Variants in IQGAP1 observed in about 807,000 individuals in gnomAD.
IQGAP1 encodes IQ motif containing GTPase activating protein 1.
In IQGAP1, 66 loss-of-function variants were observed where a neutral mutation model predicts 215.6. The ratio of observed to expected loss-of-function variants is 0.31; its 90% CI spans 0.25 to 0.38. The LOEUF (loss-of-function observed/expected upper bound fraction) is 0.38, where lower values mean the gene tolerates loss of function less well. Among genes scored for constraint, IQGAP1 ranks in the 10% least tolerant of loss-of-function variants. IQGAP1 has a pLI of 1.00. For missense variants in IQGAP1, 1,712 were observed against 1,997.1 expected, an observed-to-expected ratio of 0.86 and a Z score of 2.72; for synonymous variants, 772 against 728.7, an observed-to-expected ratio of 1.06 and a Z score of -0.96.
intron 2 of IQGAP1, among the ~76,000 whole-genome samples, chr15:90,417,205 C>A (rs992120890): frequency 2.6e-5 from 4 of 152,060 alleles, no homozygotes; most frequent in South Asian, 2.1e-4. Flanking sequence ...GAAGCTCTTT[C>A]GTTTAATTAG....
intron 2 of IQGAP1, among the ~76,000 whole-genome samples, chr15:90,423,339 T>G (rs1427323529): frequency 1.3e-5 from 2 of 152,182 alleles, no homozygotes; most frequent in African/African-American, 4.8e-5. Context: ...GTTAAAGTGA[T>G]CCTCCTGTCT....
At chr15:90,413,580 A>G (rs1965000116) in intron 2 of IQGAP1, among the ~76,000 whole-genome samples, 1 of 152,200 alleles carries the variant, frequency 6.6e-6, no homozygotes. Flanking sequence ...GAGTTTCGGC[A>G]TGGCATTCCA....
intron 2 of IQGAP1, among the ~76,000 whole-genome samples, chr15:90,416,182 C>T (rs1049683244): frequency 1.3e-5 from 2 of 152,116 alleles, no homozygotes; most frequent in Admixed American, 1.3e-4. Context: ...CCCCCTACCC[C>T]ACAACAGGCC....
chr15:90,483,454 C>G lies in IQGAP1; in HGVS notation c.3649C>G (p.Leu1217Val). 4 of 1,614,178 alleles carry G rather than the reference C, an allele frequency of 2.5e-6. No homozygotes were observed. Among genetic ancestry groups the G allele is most frequent in the Non-Finnish European group, 2.5e-6 (3 of 1,180,008 alleles). Residue 1217 changes from leucine (L) to valine (V), a missense_variant, in exon 29 of 38, where the codon CTT (leucine) becomes GTT (valine). Leu to Val is a conservative substitution (Grantham distance 32). Around this residue, in one of 2 missense-constraint regions of IQGAP1, gnomAD observed 691 missense variants for 923.0 expected, o/e 0.75. Transcript: ENST00000268182. Reference protein sequence around the residue: ...DIIDLSAGGQLTTDQRRNLGS... With the variant: ...DIIDLSAGGQVTTDQRRNLGS... ...CATTGACCTGTCAGCAGGAGGCCAGCTTACCACAGACCAACGCCGAAATCT... is the reference window on the plus strand; with the variant it reads ...CATTGACCTGTCAGCAGGAGGCCAGGTTACCACAGACCAACGCCGAAATCT...
Position 90,486,138 on chromosome 15 carries a change from G to A in IQGAP1, c.4024+6G>A. On this transcript the variant is annotated splice_donor_region_variant and intron_variant, in intron 31 of 37. Transcript: ENST00000268182. Reference sequence around the variant, plus strand: ...CACCATCGAGTCCCTGATAGGTAGAGTTCTAACTTTTGCCTGGAAGATCAA... The same window carrying A: ...CACCATCGAGTCCCTGATAGGTAGAATTCTAACTTTTGCCTGGAAGATCAA... The A allele has an allele frequency of 6.2e-7, 1 of 1,604,070 alleles. No homozygotes were observed. Among genetic ancestry groups the A allele is most frequent in the Non-Finnish European group, 8.5e-7 (1 of 1,172,134 alleles).
At chr15:90,476,849 A>G in intron 24 of IQGAP1, 31 bp downstream of exon 24, 1 of 1,574,062 alleles carries the variant, frequency 6.4e-7, no homozygotes, top group Non-Finnish European at 8.6e-7. Flanking sequence ...GTGTTATAAA[A>G]ATTTAGTGAA....
chr15:90,489,349 A>G (rs150766070), intron 33 of IQGAP1, among the ~76,000 whole-genome samples: 3,463 of 152,048 alleles, frequency 0.023, 121 homozygotes, highest in African/African-American at 0.077. Context: ...GCTGGTCTCA[A>G]ACTCTTGACC....
At chr15:90,497,121 C>T (rs1966283945) in intron 36 of IQGAP1, 111 bp from the exon 37 acceptor site, 1 of 632,294 alleles carries the variant, frequency 1.6e-6, no homozygotes, top group Non-Finnish European at 2.8e-6. Flanking sequence ...CCTGTATTTT[C>T]TGCAGCCCTT....
At chr15:90,406,672 T>G (rs11852549) in intron 2 of IQGAP1, among the ~76,000 whole-genome samples, 32,834 of 152,110 alleles carry the variant, frequency 0.22, 4,785 homozygotes, top group African/African-American at 0.42. Flanking sequence ...TGGGACTTAC[T>G]AGGGCGTCAG....
chr15:90,473,511 G>A (rs146165962), intron 19 of IQGAP1: 12 of 557,690 alleles, frequency 2.2e-5, no homozygotes, highest in East Asian at 6.2e-5. Flanking sequence ...CTGTGCTGAC[G>A]TTGGGGAAGT....
chr15:90,471,502 C>CT (rs370377668), intron 18 of IQGAP1, among the ~76,000 whole-genome samples: 30,237 of 144,434 alleles, frequency 0.21, 4,324 homozygotes, highest in African/African-American at 0.41. Flanking sequence ...CTCATGAAGT[C>CT]TTTTTTTTTT....
At position 90,442,798 on chromosome 15, in the gene IQGAP1, A is replaced by G. The variant is rs186295662; in HGVS notation, c.829-596A>G. On this transcript the variant is annotated intron_variant, in intron 8 of 37. Coordinates refer to ENST00000268182, the MANE Select transcript of IQGAP1 (RefSeq NM_003870.4). ...AGCCTGGCCAATATGGTGAAACCCT[A>G]TCTCTACTAAAAATACCAAAAAAAT... Among the ~76,000 whole-genome samples the G allele has an allele frequency of 1.2e-3, 189 of 152,244 alleles. 3 individuals are homozygous for G. The highest frequency in any genetic ancestry group is 7.7e-3 in the East Asian group (40 of 5,162).
chr15:90,414,422 G>A (rs975882515), intron 2 of IQGAP1, among the ~76,000 whole-genome samples: 1 of 152,064 alleles, frequency 6.6e-6, no homozygotes, highest in Non-Finnish European at 1.5e-5. Flanking sequence ...TATTTTAAAT[G>A]GACTCCTGTG....
At chr15:90,481,740 C>T (rs1307442386) in intron 26 of IQGAP1, among the ~76,000 whole-genome samples, 1 of 152,136 alleles carries the variant, frequency 6.6e-6, no homozygotes, top group African/African-American at 2.4e-5. Context: ...ACTTTTATTC[C>T]CAAGTGCCTG....
chr15:90,487,882 C>G (rs2151037790), intron 33 of IQGAP1, among the ~76,000 whole-genome samples: 1 of 152,210 alleles, frequency 6.6e-6, no homozygotes. Flanking sequence ...CTCCCCACCC[C>G]CGGCCAATAC....
intron 23 of IQGAP1, chr15:90,475,734 C>CA (rs1965970143): frequency 1.7e-5 from 2 of 114,438 alleles, no homozygotes; most frequent in Non-Finnish European, 3.3e-5. Flanking sequence ...GACTGGGTGA[C>CA]AGAGTGAAAC....
At chr15:90,488,602 T>C (rs1490634924) in intron 33 of IQGAP1, among the ~76,000 whole-genome samples, 1 of 152,192 alleles carries the variant, frequency 6.6e-6, no homozygotes, top group African/African-American at 2.4e-5. Context: ...GAAACAGTGA[T>C]GAACTGTTTC....
intron 15 of IQGAP1, among the ~76,000 whole-genome samples, chr15:90,457,338 T>C (rs749505065): frequency 1.2e-4 from 19 of 152,130 alleles, no homozygotes; most frequent in Non-Finnish European, 2.5e-4. Flanking sequence ...CTCATTCTCA[T>C]TGTTGTGTAC....
intron 2 of IQGAP1, among the ~76,000 whole-genome samples, chr15:90,409,858 G>A (rs1001208588): frequency 1.2e-4 from 19 of 152,152 alleles, no homozygotes; most frequent in Non-Finnish European, 2.8e-4. Context: ...GTGTGAGATG[G>A]CATCTCATTG....
Sources: gnomAD v4.1 joint callset for allele counts (sites outside exome capture counted in the v4.1 genomes callset) on GRCh38, gnomAD v4.1.1 for gene constraint, gnomAD v4.1.1 regional missense constraint, MANE v1.5 for transcripts, NCBI Gene and HGNC (gene_info 2026-07-23, HGNC 2026-07-21) for gene names.